The following KIF13B variants were observed in gnomAD, a reference collection of about 807,000 sequenced individuals.
KIF13B encodes kinesin family member 13B, also known as kinesin-like protein KIF13B.
In KIF13B, 127 loss-of-function variants were observed where a neutral mutation model predicts 222.0. The ratio of observed to expected loss-of-function variants is 0.57; its 90% CI spans 0.50 to 0.66. The LOEUF is 0.66. KIF13B is among the 30% of genes least tolerant of loss of function. The probability of loss-of-function intolerance (pLI) is 0.00; values close to 1 mark genes in which losing one functional copy is unlikely to be tolerated. For synonymous variants in KIF13B, 976 were observed against 919.0 expected, an observed-to-expected ratio of 1.06 and a Z score of -1.12; for missense variants, 2,173 against 2,379.0, an observed-to-expected ratio of 0.91 and a Z score of 1.80.
At chr8:29,232,131 C>T (rs1335236070) in intron 2 of KIF13B, among the ~76,000 whole-genome samples, 2 of 151,820 alleles carry the variant, frequency 1.3e-5, no homozygotes, top group Non-Finnish European at 2.9e-5. Context: ...GTGGTGCACA[C>T]CTGTAGTCCC....
At position 29,069,085 on chromosome 8, in the gene KIF13B, T is replaced by C. The variant is rs1334047082; in HGVS notation, c.*1419A>G. ...AACCAGAGCCTTCCGCAGCGCTTTC[T>C]AGATGTTGACTAAATGTGAGAACTA... On this transcript the variant is annotated 3_prime_UTR_variant, in exon 40 of 40. Coordinates refer to ENST00000524189, the MANE Select transcript of KIF13B (RefSeq NM_015254.4). 2.0e-5 allele frequency: 3 copies of C among 152,250 alleles called. No individual in the cohort carries two copies. The East Asian group carries it at 5.8e-4, about 29-fold the overall frequency. 9.4% of individuals were successfully genotyped at this position (152,250 alleles called of 1,614,324 possible).
rs1243607028 is a variant in KIF13B at position 29,070,632 on chromosome 8, C to T, written c.5353G>A (p.Ala1785Thr). ...RRRSTGLRLG[A>T]PEARRSATLS... ...GTGGCGCTCCGGCGGGCCTCGGGGG[C>T]ACCCAGCCGGAGTCCTGTGCTGCGC... is the stretch of plus-strand genomic sequence containing the variant. The change falls in exon 40 of 40, where the codon GCC becomes ACC. Residue 1785 changes from alanine to threonine, a missense_variant. Ala to Thr is a moderately conservative substitution (Grantham distance 58). Around this residue, in one of 2 missense-constraint regions of KIF13B, gnomAD observed 693 missense variants for 656.2 expected, o/e 1.06. Coordinates refer to ENST00000524189, the MANE Select transcript of KIF13B (RefSeq NM_015254.4). This position sits in a 1 kb window ranked among gnomAD's most constrained non-coding sequence, Gnocchi z 4.1. 2.1e-5 allele frequency: 33 copies of T among 1,571,318 alleles called. No homozygotes were observed. Among genetic ancestry groups the T allele is most frequent in the Non-Finnish European group, 2.8e-5 (32 of 1,158,238 alleles).
At chr8:29,161,405 T>C (rs1183994835) in intron 12 of KIF13B, among the ~76,000 whole-genome samples, 1 of 152,032 alleles carries the variant, frequency 6.6e-6, no homozygotes, top group Non-Finnish European at 1.5e-5. Flanking sequence ...TCCTTGAGAG[T>C]GCTAAGAATG....
At chr8:29,123,236 T>C (rs1809954969) in intron 28 of KIF13B, 130 bp downstream of exon 28, 1 of 1,039,594 alleles carries the variant, frequency 9.6e-7, no homozygotes. Flanking sequence ...TAACAGTTCC[T>C]TTAATTTAAA....
At chr8:29,152,621 T>A (rs1177647126) in intron 14 of KIF13B, among the ~76,000 whole-genome samples, 5 of 39,820 alleles carry the variant, frequency 1.3e-4, no homozygotes, top group African/African-American at 4.0e-4. Context: ...AAAAAAAAAT[T>A]TTTTTTGAGA....
Position 29,116,946 on chromosome 8 carries a change from GTGCCCC to G in KIF13B, c.3716_3721del (p.Arg1239_Gly1240del). ...CAGGAACAACCGCTCGTCCACGGGCGTGCCCCTGCTGAGCTGAGGGCAGCCATGCAC... is the reference window on the plus strand; with the variant it reads ...CAGGAACAACCGCTCGTCCACGGGCGTGCTGAGCTGAGGGCAGCCATGCAC... On this transcript the variant is annotated inframe_deletion, in exon 31 of 40. Coordinates refer to ENST00000524189, the MANE Select transcript of KIF13B (RefSeq NM_015254.4). The G allele has an allele frequency of 6.2e-7, 1 of 1,611,976 alleles. No individual in the cohort carries two copies. The highest frequency in any genetic ancestry group is 8.5e-7 in the Non-Finnish European group (1 of 1,178,546).
intron 2 of KIF13B, among the ~76,000 whole-genome samples, chr8:29,216,887 G>A (rs897623504): frequency 6.6e-6 from 1 of 151,854 alleles, no homozygotes; most frequent in Non-Finnish European, 1.5e-5. Flanking sequence ...CAGGTTCCCC[G>A]TGCAAATCTT....
intron 12 of KIF13B, among the ~76,000 whole-genome samples, chr8:29,165,067 C>T (rs1811935265): frequency 6.6e-6 from 1 of 152,072 alleles, no homozygotes; most frequent in Admixed American, 6.6e-5. Flanking sequence ...AGGCTGGGCT[C>T]AAACTCCTGA....
At chr8:29,243,551 G>C (rs1815876991) in intron 2 of KIF13B, among the ~76,000 whole-genome samples, 1 of 151,870 alleles carries the variant, frequency 6.6e-6, no homozygotes, top group East Asian at 1.9e-4. Flanking sequence ...AGCTACTTGG[G>C]AGGCTGAGGC....
At chr8:29,240,039 A>G (rs1422627017) in intron 2 of KIF13B, among the ~76,000 whole-genome samples, 1 of 142,542 alleles carries the variant, frequency 7.0e-6, no homozygotes, top group African/African-American at 2.8e-5. Flanking sequence ...CAAAAGAGGA[A>G]AAAAAAAAAA....
intron 28 of KIF13B, 106 bp downstream of exon 28, chr8:29,123,260 C>T: frequency 8.2e-7 from 1 of 1,222,428 alleles, no homozygotes; most frequent in Non-Finnish European, 1.1e-6. Flanking sequence ...CATTTCCCCC[C>T]ATGCTATTGA....
intron 5 of KIF13B, among the ~76,000 whole-genome samples, chr8:29,186,877 G>A (rs190902052): frequency 1.3e-5 from 2 of 151,306 alleles, no homozygotes; most frequent in East Asian, 3.9e-4. Flanking sequence ...GCTGAGGCAG[G>A]AGAATTGCTT....
chr8:29,139,727 C>T (rs752016881), intron 21 of KIF13B, among the ~76,000 whole-genome samples: 9 of 152,176 alleles, frequency 5.9e-5, no homozygotes, highest in Non-Finnish European at 1.2e-4. Flanking sequence ...CTCACTTGTA[C>T]ATTGCACCTG....
At chr8:29,147,629 T>G in intron 16 of KIF13B, 27 bp from the exon 17 acceptor site, 1 of 1,493,818 alleles carries the variant, frequency 6.7e-7, no homozygotes, top group Non-Finnish European at 9.3e-7. Context: ...AAAAGATACA[T>G]GATCGAGAGT....
At position 29,140,499 on chromosome 8, in the gene KIF13B, T is replaced by C; in HGVS notation, c.2453A>G (p.Tyr818Cys). 6.2e-7 allele frequency: 1 copy of C among 1,613,946 alleles called. No homozygotes were observed. The highest frequency in any genetic ancestry group is 8.5e-7 in the Non-Finnish European group (1 of 1,179,830). ...ESLFYDVKLQYAVPIINQKGE... is the reference protein window; with the variant it reads ...ESLFYDVKLQCAVPIINQKGE... ...TTTCTGGTTGATGATGGGAACAGCGTATTGTAACTTCACATCATAGAAAAG... is the reference window on the plus strand; with the variant it reads ...TTTCTGGTTGATGATGGGAACAGCGCATTGTAACTTCACATCATAGAAAAG... The change falls in exon 20 of 40, where the codon TAC (tyrosine) becomes TGC (cysteine). Residue 818 changes from tyrosine to cysteine, a missense_variant. This residue lies in a region of KIF13B where 1,480 missense variants were observed against 1,722.8 expected (regional missense o/e 0.86). Coordinates refer to ENST00000524189, the MANE Select transcript of KIF13B (RefSeq NM_015254.4).
At chr8:29,260,790 G>C (rs1392977199) in intron 1 of KIF13B, among the ~76,000 whole-genome samples, 1 of 152,022 alleles carries the variant, frequency 6.6e-6, no homozygotes, top group South Asian at 2.1e-4. Context: ...CTAATTTTTT[G>C]TATTTTTAGT....
chr8:29,189,123 G>C (rs1234500508), intron 4 of KIF13B, among the ~76,000 whole-genome samples: 1 of 152,054 alleles, frequency 6.6e-6, no homozygotes, highest in Non-Finnish European at 1.5e-5. Context: ...TGGACATAAA[G>C]AACAGAGTCA....
At chr8:29,234,637 A>T (rs1815426735) in intron 2 of KIF13B, among the ~76,000 whole-genome samples, 1 of 150,622 alleles carries the variant, frequency 6.6e-6, no homozygotes, top group African/African-American at 2.5e-5. Context: ...GTATACACAT[A>T]AAAATGGTTA....
At chr8:29,162,093 C>T (rs1811808153) in intron 12 of KIF13B, among the ~76,000 whole-genome samples, 1 of 152,160 alleles carries the variant, frequency 6.6e-6, no homozygotes, top group Non-Finnish European at 1.5e-5. Context: ...GCATGGATCT[C>T]ACAACCAGAT....
Sources: allele counts gnomAD v4.1 joint callset (sites outside exome capture counted in the v4.1 genomes callset), GRCh38; gene constraint gnomAD v4.1.1; regional missense constraint gnomAD v4.1.1; non-coding constraint Gnocchi (gnomAD v3.1); transcripts MANE v1.5; gene names NCBI Gene and HGNC (gene_info 2026-07-23, HGNC 2026-07-21).